The following SPTBN1 variants were observed in gnomAD, a reference collection of about 807,000 sequenced individuals.
SPTBN1 encodes the protein spectrin beta chain, non-erythrocytic 1.
A neutral mutation model predicts 266.4 loss-of-function variants in SPTBN1; 32 were observed. That is an observed-to-expected ratio of 0.12 (90% CI 0.09 to 0.16). The LOEUF (loss-of-function observed/expected upper bound fraction) is 0.16, where lower values mean the gene tolerates loss of function less well. Ranked by LOEUF, SPTBN1 falls within the 10% of genes least tolerant of loss-of-function variation. The pLI is 1.00. For missense variants in SPTBN1, 2,296 were observed against 3,067.1 expected, an observed-to-expected ratio of 0.75 and a Z score of 5.94; for synonymous variants, 1,336 against 1,162.2, an observed-to-expected ratio of 1.15 and a Z score of -3.04.
intron 1 of SPTBN1, among the ~76,000 whole-genome samples, chr2:54,487,728 A>G (rs886607645): frequency 1.3e-5 from 2 of 151,088 alleles, no homozygotes; most frequent in Non-Finnish European, 2.9e-5. Flanking sequence ...ATGTCGCAGT[A>G]TCTTTTATGA....
chr2:54,624,500 A>G (rs1016206802), intron 10 of SPTBN1, among the ~76,000 whole-genome samples: 1 of 152,178 alleles, frequency 6.6e-6, no homozygotes, highest in African/African-American at 2.4e-5. Context: ...AAGATAATTT[A>G]TTTCCTCTTA....
At position 54,659,150 on chromosome 2, in the gene SPTBN1, T is replaced by A. The variant is rs368198316; in HGVS notation, c.6244-4T>A. ...CTACCAAACATCACTCTATTTTCTCTTAGTTGGAGTTACTGGAAGTGCGCA... is the reference window on the plus strand; with the variant it reads ...CTACCAAACATCACTCTATTTTCTCATAGTTGGAGTTACTGGAAGTGCGCA... On this transcript the variant is annotated splice_region_variant and splice_polypyrimidine_tract_variant and intron_variant, in intron 30 of 35. Coordinates refer to ENST00000356805, the MANE Select transcript of SPTBN1 (RefSeq NM_003128.3). 21 of 1,613,686 alleles carry A rather than the reference T, an allele frequency of 1.3e-5. No individual in the cohort carries two copies. Among genetic ancestry groups the A allele is most frequent in the South Asian group, 3.3e-5 (3 of 91,068 alleles).
intron 2 of SPTBN1, among the ~76,000 whole-genome samples, chr2:54,586,672 C>A (rs1208652100): frequency 1.3e-5 from 2 of 152,208 alleles, no homozygotes; most frequent in South Asian, 4.1e-4. Flanking sequence ...TTGACTCCCC[C>A]TCTTTCTGGT....
intron 34 of SPTBN1, among the ~76,000 whole-genome samples, chr2:54,666,857 G>C (rs1210268103): frequency 6.6e-6 from 1 of 152,218 alleles, no homozygotes; most frequent in Admixed American, 6.5e-5. Flanking sequence ...CAGATGGTTT[G>C]ATTTATTAAG....
At chr2:54,457,371 T>G (rs1271676153) in intron 1 of SPTBN1, 1 of 152,406 alleles carries the variant, frequency 6.6e-6, no homozygotes, top group Non-Finnish European at 1.5e-5. Context: ...AGGGGGCGCC[T>G]TCTCTTTGTT....
chr2:54,569,487 T>C (rs1232689880), intron 2 of SPTBN1, among the ~76,000 whole-genome samples: 1 of 152,218 alleles, frequency 6.6e-6, no homozygotes, highest in Non-Finnish European at 1.5e-5. Context: ...CAATAGTTAA[T>C]ATATATAAGC....
chr2:54,608,410 G>A (rs1676994124), intron 3 of SPTBN1, among the ~76,000 whole-genome samples: 2 of 152,166 alleles, frequency 1.3e-5, no homozygotes, highest in Non-Finnish European at 2.9e-5. Context: ...AAGGAAAGAT[G>A]GGCCTTGGCC....
chr2:54,498,274 C>A (rs372175844), intron 1 of SPTBN1, among the ~76,000 whole-genome samples: 2 of 152,032 alleles, frequency 1.3e-5, no homozygotes, highest in Non-Finnish European at 2.9e-5. Context: ...GACTTGCTGC[C>A]GGCCATGTGT....
Position 54,628,509 on chromosome 2 carries a change from C to T in SPTBN1, c.1798+259C>T, listed in dbSNP as rs540360897. ...GTTTGGCAGTGAGACTTTGTCATACCTCAGTCTCTCTGGCCATGCACCGAC... is the reference window on the plus strand; with the variant it reads ...GTTTGGCAGTGAGACTTTGTCATACTTCAGTCTCTCTGGCCATGCACCGAC... On this transcript the variant is annotated intron_variant, in intron 13 of 35. Transcript: ENST00000356805. This position sits in a 1 kb window ranked among gnomAD's most constrained non-coding sequence, Gnocchi z 4.3. Among the ~76,000 whole-genome samples the T allele has an allele frequency of 4.6e-5, 7 of 152,246 alleles. No homozygotes were observed. The South Asian group carries it at 1.0e-3, about 23-fold the overall frequency.
At position 54,624,798 on chromosome 2, in the gene SPTBN1, T is replaced by C; in HGVS notation, c.1183-6T>C. 1 of 1,614,100 alleles carries C rather than the reference T, an allele frequency of 6.2e-7. No homozygotes were observed. Among genetic ancestry groups the C allele is most frequent in the Non-Finnish European group, 8.5e-7 (1 of 1,180,014 alleles). ...TTTGTGTGTGTGTGTATTTTCATTT[T>C]TGTAGGCCTGGGAAAGACTGGAAAA... On this transcript the variant is annotated splice_region_variant and splice_polypyrimidine_tract_variant and intron_variant, in intron 10 of 35. Transcript: ENST00000356805.
chr2:54,542,317 C>T (rs1671985263), intron 2 of SPTBN1, among the ~76,000 whole-genome samples: 1 of 152,178 alleles, frequency 6.6e-6, no homozygotes, highest in Non-Finnish European at 1.5e-5. Context: ...TGTCGAGATG[C>T]CATGAGAAGA....
chr2:54,649,330 T>C lies in SPTBN1; in HGVS notation c.5202+140T>C. 1 of 1,074,072 alleles carries C rather than the reference T, an allele frequency of 9.3e-7. No homozygotes were observed. The highest frequency in any genetic ancestry group is 1.3e-6 in the Non-Finnish European group (1 of 766,048). The allele number at this position is 1,074,072 out of a possible 1,614,324, so 66.5% of individuals were successfully genotyped here. On this transcript the variant is annotated intron_variant, in intron 25 of 35. Coordinates refer to ENST00000356805, the MANE Select transcript of SPTBN1 (RefSeq NM_003128.3). This position sits in a 1 kb window ranked among gnomAD's most constrained non-coding sequence, Gnocchi z 6.7. ...TGGGGTTTAGTTTTAAGGTGGTGTT[T>C]CTTTTATAAGCTGGTGACTCGCATT...
intron 1 of SPTBN1, among the ~76,000 whole-genome samples, chr2:54,478,374 T>G (rs188473827): frequency 1.3e-5 from 2 of 152,260 alleles, no homozygotes; most frequent in East Asian, 3.9e-4. Flanking sequence ...GGTCCCCTGA[T>G]GGGCCACCCT....
At chr2:54,499,583 A>G (rs1184121952) in intron 1 of SPTBN1, among the ~76,000 whole-genome samples, 1 of 152,258 alleles carries the variant, frequency 6.6e-6, no homozygotes, top group Admixed American at 6.5e-5. Context: ...ATGTCAGCAC[A>G]GCCCAGCCAC....
At chr2:54,477,589 C>A (rs909340633) in intron 1 of SPTBN1, among the ~76,000 whole-genome samples, 2 of 152,082 alleles carry the variant, frequency 1.3e-5, no homozygotes, top group African/African-American at 4.8e-5. Flanking sequence ...ACAGCCCCAC[C>A]CTACCCTTTT....
At chr2:54,657,061 T>G (rs1680716281) in intron 29 of SPTBN1, among the ~76,000 whole-genome samples, 1 of 152,232 alleles carries the variant, frequency 6.6e-6, no homozygotes, top group Non-Finnish European at 1.5e-5. Flanking sequence ...TTTACCTCAA[T>G]GATCCCAGGC....
Position 54,646,055 on chromosome 2 carries a change from T to C in SPTBN1, c.4584+38T>C. On this transcript the variant is annotated intron_variant, in intron 22 of 35. Coordinates refer to ENST00000356805, the MANE Select transcript of SPTBN1 (RefSeq NM_003128.3). The surrounding 1 kb of genome is among the most constrained non-coding windows in gnomAD (Gnocchi z 4.4). ...GCTCGAGCTAGTTCTGTCTGATAAA[T>C]AATTGCTCTAAATTATGAGACTGGG... The C allele has an allele frequency of 6.2e-7, 1 of 1,613,744 alleles. No homozygotes were observed. Among genetic ancestry groups the C allele is most frequent in the Non-Finnish European group, 8.5e-7 (1 of 1,179,762 alleles).
chr2:54,644,150 C>T (rs1558462393), intron 19 of SPTBN1, among the ~76,000 whole-genome samples, 173 bp from the exon 20 acceptor site: 1 of 152,110 alleles, frequency 6.6e-6, no homozygotes, highest in East Asian at 1.9e-4. Flanking sequence ...TTGTAATGTA[C>T]ACAACCTAGG....
intron 1 of SPTBN1, among the ~76,000 whole-genome samples, chr2:54,482,469 C>G (rs1238536972): frequency 6.6e-6 from 1 of 152,120 alleles, no homozygotes; most frequent in Non-Finnish European, 1.5e-5. Flanking sequence ...GGCACCAGGA[C>G]TTGCAAGAGG....
Sources: gnomAD v4.1 joint callset for allele counts (sites outside exome capture counted in the v4.1 genomes callset) on GRCh38, gnomAD v4.1.1 for gene constraint, Gnocchi (gnomAD v3.1) non-coding constraint, MANE v1.5 for transcripts, NCBI Gene and HGNC (gene_info 2026-07-23, HGNC 2026-07-21) for gene names.